Variants in FOXO3 observed in about 807,000 individuals in gnomAD.
FOXO3 encodes the protein forkhead box O3.
A neutral mutation model predicts 41.9 loss-of-function variants in FOXO3; 4 were observed. The ratio of observed to expected loss-of-function variants is 0.10; its 90% CI spans 0.05 to 0.22. The LOEUF (loss-of-function observed/expected upper bound fraction) is 0.22, where lower values mean the gene tolerates loss of function less well. Ranked by LOEUF, FOXO3 falls within the 10% of genes least tolerant of loss-of-function variation. The pLI is 1.00. For synonymous variants in FOXO3, 318 were observed against 389.3 expected (o/e 0.82, Z 2.16); for missense variants, 534 against 906.8 (o/e 0.59, Z 5.28).
intron 1 of FOXO3, among the ~76,000 whole-genome samples, chr6:108,661,168 GGAGGCGGAGGTTGCAGT>G (rs1429734602): frequency 1.3e-5 from 2 of 152,136 alleles, no homozygotes; most frequent in Non-Finnish European, 2.9e-5. Flanking sequence ...CTTGAACCCT[GGAGGCGGAGGTTGCAGT>G]GAGCCGAGAT....
At chr6:108,603,039 A>C (rs920854981) in intron 1 of FOXO3, among the ~76,000 whole-genome samples, 1 of 152,162 alleles carries the variant, frequency 6.6e-6, no homozygotes, top group African/African-American at 2.4e-5. Context: ...TTCTGGTGGA[A>C]TATGGCAAAC....
chr6:108,585,339 G>A (rs575631738), intron 1 of FOXO3, among the ~76,000 whole-genome samples: 6 of 152,304 alleles, frequency 3.9e-5, no homozygotes, highest in Admixed American at 1.3e-4. Context: ...CACCGCGCCC[G>A]GCCTCTATCT....
At chr6:108,636,637 C>T (rs1778129922) in intron 1 of FOXO3, among the ~76,000 whole-genome samples, 1 of 152,070 alleles carries the variant, frequency 6.6e-6, no homozygotes, top group East Asian at 1.9e-4. Flanking sequence ...GAAGTGGCCT[C>T]CTCCTTTAAA....
intron 1 of FOXO3, among the ~76,000 whole-genome samples, chr6:108,605,978 G>T (rs897239375): frequency 6.6e-5 from 10 of 152,218 alleles, no homozygotes; most frequent in African/African-American, 2.2e-4. Context: ...ATAGTTAATT[G>T]CTTTGCAAAT....
intron 1 of FOXO3, among the ~76,000 whole-genome samples, chr6:108,590,388 GACACT>G (rs1479250311): frequency 1.3e-5 from 2 of 152,128 alleles, no homozygotes; most frequent in African/African-American, 2.4e-5. Context: ...GCGTTGACAT[GACACT>G]ACAAGTGGGA....
intron 1 of FOXO3, among the ~76,000 whole-genome samples, chr6:108,599,602 A>C (rs932847909): frequency 6.6e-6 from 1 of 152,180 alleles, no homozygotes; most frequent in African/African-American, 2.4e-5. Context: ...TCCCGGGCTC[A>C]GTGTGCCAAC....
intron 1 of FOXO3, among the ~76,000 whole-genome samples, chr6:108,599,954 A>G (rs58157973): frequency 0.11 from 16,209 of 152,148 alleles, 895 homozygotes; most frequent in East Asian, 0.15. Flanking sequence ...TTGGTCCTCT[A>G]TGTGAGGAAG....
At chr6:108,642,080 G>A (rs1778274313) in intron 1 of FOXO3, among the ~76,000 whole-genome samples, 1 of 138,004 alleles carries the variant, frequency 7.2e-6, no homozygotes, top group African/African-American at 2.5e-5. Context: ...GAAGTTTTTT[G>A]CTTTTGGTGT....
chr6:108,663,456 A>G lies in FOXO3; in HGVS notation c.623A>G (p.Asn208Ser). 1 of 1,600,890 alleles carries G rather than the reference A, an allele frequency of 6.2e-7. No homozygotes were observed. Among genetic ancestry groups the G allele is most frequent in the Non-Finnish European group, 8.5e-7 (1 of 1,173,274 alleles). ...GDSNSSAGWK[N>S]SIRHNLSLHS... ...CTGTATTTTCTTTTCTCCCTGCAGAACTCCATCCGGCACAACCTGTCACTG... is the reference window on the plus strand; with the variant it reads ...CTGTATTTTCTTTTCTCCCTGCAGAGCTCCATCCGGCACAACCTGTCACTG... The change falls in exon 2 of 3, where the codon AAC becomes AGC. Residue 208 changes from asparagine (N) to serine (S), a missense_variant and splice_region_variant. Coordinates refer to ENST00000406360, the MANE Select transcript of FOXO3 (RefSeq NM_001455.4).
chr6:108,604,858 A>G (rs917247095), intron 1 of FOXO3, among the ~76,000 whole-genome samples: 1 of 152,186 alleles, frequency 6.6e-6, no homozygotes, highest in African/African-American at 2.4e-5. Context: ...TGGTGATTCT[A>G]AGCCTTCCCG....
chr6:108,613,829 AT>A (rs1418359828), intron 1 of FOXO3, among the ~76,000 whole-genome samples: 1 of 151,944 alleles, frequency 6.6e-6, no homozygotes, highest in East Asian at 1.9e-4. Flanking sequence ...ACCTTAGATC[AT>A]TTACTTGAGA....
At position 108,570,175 on chromosome 6, in the gene FOXO3, A is replaced by G. The variant is rs185582281; in HGVS notation, c.621+8346A>G. On this transcript the variant is annotated intron_variant, in intron 1 of 2. Coordinates refer to ENST00000406360, the MANE Select transcript of FOXO3 (RefSeq NM_001455.4). ...CCACCACTCCCAGCTAATTTTTTGT[A>G]TTTTTATTAGAGACGGGGCTTCACT... 6.7e-3 allele frequency among the ~76,000 whole-genome samples: 1,004 copies of G among 150,510 alleles called. 14 individuals are homozygous for G. The highest frequency in any genetic ancestry group is 0.024 in the African/African-American group (966 of 40,882).
chr6:108,604,301 A>G (rs1386364019), intron 1 of FOXO3, among the ~76,000 whole-genome samples: 2 of 152,196 alleles, frequency 1.3e-5, no homozygotes, highest in Non-Finnish European at 2.9e-5. Flanking sequence ...CACTGTTAAT[A>G]CATTTCTTGG....
At chr6:108,662,628 A>C (rs1190158419) in intron 1 of FOXO3, among the ~76,000 whole-genome samples, 2 of 152,230 alleles carry the variant, frequency 1.3e-5, no homozygotes, top group Non-Finnish European at 2.9e-5. Context: ...TCGGTTCTTC[A>C]TTCACAGAAG....
At chr6:108,592,949 G>A (rs1270511319) in intron 1 of FOXO3, among the ~76,000 whole-genome samples, 4 of 152,278 alleles carry the variant, frequency 2.6e-5, no homozygotes, top group South Asian at 2.1e-4. Flanking sequence ...TTAGAGAGAC[G>A]TTTTCCTGGT....
chr6:108,644,405 C>T (rs1397452719), intron 1 of FOXO3, among the ~76,000 whole-genome samples: 1 of 152,170 alleles, frequency 6.6e-6, no homozygotes, highest in African/African-American at 2.4e-5. Context: ...TCTGTCCCTA[C>T]CACTCCTTTG....
intron 1 of FOXO3, among the ~76,000 whole-genome samples, chr6:108,585,202 C>T (rs917455894): frequency 1.9e-4 from 29 of 152,018 alleles, no homozygotes; most frequent in African/African-American, 6.0e-4. Flanking sequence ...CCACCGCGCC[C>T]GGCTAATTTT....
intron 1 of FOXO3, among the ~76,000 whole-genome samples, chr6:108,651,287 GA>G (rs1475446947): frequency 6.6e-6 from 1 of 152,180 alleles, no homozygotes; most frequent in Non-Finnish European, 1.5e-5. Context: ...TGACTATTAG[GA>G]TAATTAACAT....
intron 1 of FOXO3, among the ~76,000 whole-genome samples, chr6:108,622,503 C>G (rs1335117433): frequency 6.6e-6 from 1 of 152,058 alleles, no homozygotes; most frequent in Non-Finnish European, 1.5e-5. Flanking sequence ...TTTGTTTCCC[C>G]CACCAGTATT....
Sources: allele counts gnomAD v4.1 joint callset (sites outside exome capture counted in the v4.1 genomes callset), GRCh38; gene constraint gnomAD v4.1.1; transcripts MANE v1.5; gene names NCBI Gene and HGNC (gene_info 2026-07-23, HGNC 2026-07-21).